Variants in SEMA3A observed in about 807,000 individuals in gnomAD.
SEMA3A encodes semaphorin-3A.
Under a neutral mutation model 97.9 loss-of-function variants are expected in SEMA3A, and 29 were observed. The observed-to-expected ratio is 0.30, with a 90% CI of 0.22 to 0.40. SEMA3A has a LOEUF of 0.40. Ranked by LOEUF, SEMA3A falls within the 10% of genes least tolerant of loss-of-function variation. The probability of loss-of-function intolerance (pLI) is 1.00; values close to 1 mark genes in which losing one functional copy is unlikely to be tolerated. For synonymous variants in SEMA3A, 321 were observed against 323.7 expected, an observed-to-expected ratio of 0.99 and a Z score of 0.09; for missense variants, 763 against 951.3, an observed-to-expected ratio of 0.80 and a Z score of 2.60.
intron 1 of SEMA3A, among the ~76,000 whole-genome samples, chr7:84,459,078 A>G (rs1805758583): frequency 6.6e-6 from 1 of 151,942 alleles, no homozygotes; most frequent in Admixed American, 6.6e-5. Flanking sequence ...CTGCTTTTTA[A>G]TTTTATATAT....
At chr7:84,246,724 C>T (rs1319236680) in intron 3 of SEMA3A, among the ~76,000 whole-genome samples, 1 of 151,898 alleles carries the variant, frequency 6.6e-6, no homozygotes, top group East Asian at 1.9e-4. Flanking sequence ...GGAGGACAAA[C>T]TATATCATCC....
chr7:84,051,918 G>A (rs1246674946), intron 5 of SEMA3A, among the ~76,000 whole-genome samples: 1 of 150,124 alleles, frequency 6.7e-6, no homozygotes, highest in African/African-American at 2.4e-5. Flanking sequence ...TTTTTAGCAT[G>A]AAGGGTTGTT....
chr7:84,281,512 C>T (rs947312177), intron 3 of SEMA3A, among the ~76,000 whole-genome samples: 16 of 152,126 alleles, frequency 1.1e-4, no homozygotes, highest in Non-Finnish European at 1.8e-4. Flanking sequence ...TAGAGATGAC[C>T]CAGACTACTT....
At chr7:84,178,412 A>G (rs1339221125) in intron 1 of SEMA3A, among the ~76,000 whole-genome samples, 1 of 151,882 alleles carries the variant, frequency 6.6e-6, no homozygotes, top group Non-Finnish European at 1.5e-5. Context: ...CATTTTTAAC[A>G]GGCACTGTCC....
chr7:84,424,501 A>G (rs188145813), intron 1 of SEMA3A, among the ~76,000 whole-genome samples: 2 of 98,562 alleles, frequency 2.0e-5, no homozygotes, highest in South Asian at 2.8e-4. Context: ...TATAATATAT[A>G]ATATATAAAT....
chr7:84,207,042 T>C (rs1798511178), intron 3 of SEMA3A, among the ~76,000 whole-genome samples: 1 of 152,262 alleles, frequency 6.6e-6, no homozygotes, highest in East Asian at 1.9e-4. Context: ...TAAATCTCTA[T>C]ACATACAGGT....
At chr7:84,158,148 CTTTTTTTTTTTT>C (rs1187182577) in intron 1 of SEMA3A, among the ~76,000 whole-genome samples, 45 of 82,298 alleles carry the variant, frequency 5.5e-4, no homozygotes, top group African/African-American at 7.1e-4. Flanking sequence ...ACAGCTAATT[CTTTTTTTTTTTT>C]TTTTTTTTTT....
In SEMA3A at chr7:84,005,320, C is replaced by CT. The variant is rs754494596; in HGVS notation, c.1360+18dup. On this transcript the variant is annotated intron_variant, in intron 11 of 16. Coordinates refer to ENST00000265362, the MANE Select transcript of SEMA3A (RefSeq NM_006080.3). ...ATAGTGTTCGGAAAAAAGTTTACAG[C>CT]TGAAATTTAAAAATTTACCTGTTCC... is the stretch of plus-strand genomic sequence containing the variant. 5 of 1,582,950 alleles carry CT rather than the reference C, an allele frequency of 3.2e-6. No individual in the cohort carries two copies. The highest frequency in any genetic ancestry group is 4.3e-6 in the Non-Finnish European group (5 of 1,152,332).
chr7:83,989,995 T>G (rs1789830090), intron 12 of SEMA3A, among the ~76,000 whole-genome samples: 1 of 152,046 alleles, frequency 6.6e-6, no homozygotes, highest in Non-Finnish European at 1.5e-5. Context: ...TCCTGACTTT[T>G]TAATGATTGT....
chr7:84,466,317 C>T (rs62471991), intron 1 of SEMA3A, among the ~76,000 whole-genome samples: 1,834 of 151,932 alleles, frequency 0.012, 12 homozygotes, highest in Non-Finnish European at 0.02. Flanking sequence ...GGATTACAGG[C>T]GCCTGCCACC....
In SEMA3A at chr7:83,961,125, T is replaced by G. The variant is rs1014058981; in HGVS notation, c.*246A>C. The G allele has an allele frequency of 5.9e-6, 3 of 509,168 alleles. No homozygotes were observed. The East Asian group carries it at 1.1e-4, about 18-fold the overall frequency. 31.5% of individuals were successfully genotyped at this position (509,168 alleles called of 1,614,324 possible). A position where few individuals can be genotyped will look rare whatever the true frequency, so the allele number is the denominator to read the frequency against. ...TACAGTGAAATCTCATAGGAAACAT[T>G]AAGTCTGCTAAAGTGAACATCTGCA... is the stretch of plus-strand genomic sequence containing the variant. On this transcript the variant is annotated 3_prime_UTR_variant, in exon 17 of 17. Transcript: ENST00000265362.
At chr7:84,138,434 C>T (rs1796207532) in intron 1 of SEMA3A, among the ~76,000 whole-genome samples, 2 of 152,016 alleles carry the variant, frequency 1.3e-5, no homozygotes, top group African/African-American at 2.4e-5. Context: ...TTCTATATCA[C>T]AGTTCCAAAC....
chr7:84,055,827 T>C (rs1337277020), intron 5 of SEMA3A, among the ~76,000 whole-genome samples: 1 of 152,230 alleles, frequency 6.6e-6, no homozygotes, highest in Admixed American at 6.5e-5. Context: ...ATTAGTTAAA[T>C]GTTATTCTGC....
intron 4 of SEMA3A, among the ~76,000 whole-genome samples, chr7:84,082,195 A>G (rs1203266431): frequency 6.6e-6 from 1 of 152,164 alleles, no homozygotes; most frequent in African/African-American, 2.4e-5. Flanking sequence ...TCCTAGTGAT[A>G]TTGACATGTC....
At chr7:84,424,633 AC>A in intron 1 of SEMA3A, among the ~76,000 whole-genome samples, 2 of 89,324 alleles carry the variant, frequency 2.2e-5, no homozygotes, top group East Asian at 3.7e-4. Flanking sequence ...TAATATATAT[AC>A]AATATATATT....
intron 3 of SEMA3A, among the ~76,000 whole-genome samples, chr7:84,228,743 G>A (rs1368589478): frequency 6.6e-6 from 1 of 152,088 alleles, no homozygotes; most frequent in African/African-American, 2.4e-5. Context: ...CATTTGCCGG[G>A]ATTCCTCCCT....
intron 6 of SEMA3A, 98 bp from the exon 7 acceptor site, chr7:84,014,449 T>C (rs1221889488): frequency 5.6e-6 from 5 of 892,784 alleles, no homozygotes; most frequent in Non-Finnish European, 8.4e-6. Flanking sequence ...TTAATTGATA[T>C]ATTTCAAGAA....
chr7:84,402,361 T>C (rs1333150937), intron 1 of SEMA3A, among the ~76,000 whole-genome samples: 1 of 152,130 alleles, frequency 6.6e-6, no homozygotes, highest in Non-Finnish European at 1.5e-5. Context: ...GGCAACAGTG[T>C]GGAGAAAGTG....
chr7:84,402,463 C>G (rs752309220), intron 1 of SEMA3A, among the ~76,000 whole-genome samples: 1 of 152,104 alleles, frequency 6.6e-6, no homozygotes, highest in Admixed American at 6.5e-5. Flanking sequence ...ATAATTAGAA[C>G]TACCATATAA....
Sources: gnomAD v4.1 joint callset for allele counts (sites outside exome capture counted in the v4.1 genomes callset) on GRCh38, gnomAD v4.1.1 for gene constraint, MANE v1.5 for transcripts, NCBI Gene and HGNC (gene_info 2026-07-23, HGNC 2026-07-21) for gene names.